The following DIP2C variants were observed in gnomAD, a reference collection of about 807,000 sequenced individuals.
DIP2C encodes the protein DIP2 acetate--CoA ligase C (putative), also known as disco-interacting protein 2 homolog C.
Under a neutral mutation model 192.4 loss-of-function variants are expected in DIP2C, and 33 were observed. That is an observed-to-expected ratio of 0.17 (90% CI 0.13 to 0.23). DIP2C has a LOEUF of 0.23. DIP2C is among the 10% of genes least tolerant of loss of function. The probability of loss-of-function intolerance (pLI) is 1.00; values close to 1 mark genes in which losing one functional copy is unlikely to be tolerated. For missense variants in DIP2C, 1,537 were observed against 2,110.1 expected, an observed-to-expected ratio of 0.73 and a Z score of 5.32; for synonymous variants, 979 against 864.1, an observed-to-expected ratio of 1.13 and a Z score of -2.33.
intron 17 of DIP2C, among the ~76,000 whole-genome samples, chr10:380,330 T>TCCCTGGAAGATGGTTAACGC (rs1180832539): frequency 2.0e-5 from 2 of 99,386 alleles, no homozygotes; most frequent in Admixed American, 1.0e-4. Flanking sequence ...ATGGTTAACG[T>TCCCTGGAAGATGGTTAACGC]GCAGAAGAGG....
intron 9 of DIP2C, among the ~76,000 whole-genome samples, chr10:405,710 C>T (rs550286570): frequency 6.6e-6 from 1 of 152,194 alleles, no homozygotes; most frequent in African/African-American, 2.4e-5. Context: ...TTCTTTGATA[C>T]TTCACTGTAC....
Position 457,354 on chromosome 10 carries a change from T to A in DIP2C, c.268+15085A>T, listed in dbSNP as rs927491402. Among the ~76,000 whole-genome samples the A allele has an allele frequency of 3.9e-5, 6 of 152,336 alleles. No individual in the cohort carries two copies. In the South Asian group the frequency reaches 1.2e-3, roughly 32 times the overall value. On this transcript the variant is annotated intron_variant, in intron 3 of 36. Transcript: ENST00000280886. ...GACTTAATATAAAGATTTTAGTCTATAAATTCAAGTACCATTTCCACAGCA... is the reference window on the plus strand; with the variant it reads ...GACTTAATATAAAGATTTTAGTCTAAAAATTCAAGTACCATTTCCACAGCA...
At chr10:482,278 A>G (rs1404739771) in intron 2 of DIP2C, among the ~76,000 whole-genome samples, 2 of 152,166 alleles carry the variant, frequency 1.3e-5, no homozygotes, top group Non-Finnish European at 2.9e-5. Flanking sequence ...CAACAGTTGG[A>G]CAGCACAGTG....
chr10:555,414 C>T (rs866463821), intron 1 of DIP2C, among the ~76,000 whole-genome samples: 2 of 152,280 alleles, frequency 1.3e-5, no homozygotes, highest in African/African-American at 4.8e-5. Flanking sequence ...AGTAAGGACA[C>T]GCTGGCTACT....
rs186773853 is a variant in DIP2C at position 609,547 on chromosome 10, A to G, written c.85+79947T>C. Among the ~76,000 whole-genome samples the G allele has an allele frequency of 1.7e-3, 261 of 152,328 alleles. 4 individuals carry two copies. Among genetic ancestry groups the G allele is most frequent in the African/African-American group, 4.9e-3 (202 of 41,568 alleles). On this transcript the variant is annotated intron_variant, in intron 1 of 36. Transcript: ENST00000280886. ...GATTTCATAATTAACTCAATTAAAA[A>G]ACAATGTAAGTCATCTCCTTTATCT...
At chr10:432,706 A>C (rs909946259) in intron 4 of DIP2C, among the ~76,000 whole-genome samples, 1 of 151,732 alleles carries the variant, frequency 6.6e-6, no homozygotes, top group African/African-American at 2.4e-5. Context: ...CTTAGAATTT[A>C]ATTTGCTGTT....
At chr10:453,442 G>A (rs187708687) in intron 3 of DIP2C, among the ~76,000 whole-genome samples, 126 of 152,334 alleles carry the variant, frequency 8.3e-4, no homozygotes, top group Non-Finnish European at 1.4e-3. Flanking sequence ...TCCAGCAAAT[G>A]CCTGAAATAC....
At chr10:279,347 G>A (rs1333883010) in intron 36 of DIP2C, among the ~76,000 whole-genome samples, 1 of 152,206 alleles carries the variant, frequency 6.6e-6, no homozygotes, top group Non-Finnish European at 1.5e-5. Flanking sequence ...GTATGGAATA[G>A]TCCTAGAGTA....
At chr10:356,745 C>T (rs145339516) in intron 23 of DIP2C, among the ~76,000 whole-genome samples, 3 of 152,326 alleles carry the variant, frequency 2.0e-5, no homozygotes, top group East Asian at 1.9e-4. Context: ...TCACAGCACC[C>T]GAGTCAGGGT....
At position 533,637 on chromosome 10, in the gene DIP2C, C is replaced by G. The variant is rs375418915; in HGVS notation, c.86-47107G>C. Reference sequence around the variant, plus strand: ...ACCTGCCTCCCCATGCTCTTCCTAACAGAGATACCTACCAAAAAAAAAAAA... The same window carrying G: ...ACCTGCCTCCCCATGCTCTTCCTAAGAGAGATACCTACCAAAAAAAAAAAA... On this transcript the variant is annotated intron_variant, in intron 1 of 36. Coordinates refer to ENST00000280886, the MANE Select transcript of DIP2C (RefSeq NM_014974.3). Among the ~76,000 whole-genome samples the G allele has an allele frequency of 1.6e-3, 221 of 139,958 alleles. 3 individuals are homozygous for G. The South Asian group carries it at 0.02, about 13-fold the overall frequency. The allele number at this position is 139,958 out of a possible 152,430, so 91.8% of individuals were successfully genotyped here. A position where few individuals can be genotyped will look rare whatever the true frequency, so the allele number is the denominator to read the frequency against.
At chr10:297,557 GA>G (rs1955820681) in intron 32 of DIP2C, among the ~76,000 whole-genome samples, 1 of 152,278 alleles carries the variant, frequency 6.6e-6, no homozygotes, top group East Asian at 1.9e-4. Context: ...TAAATAAAGT[GA>G]AATAAGCCAG....
At chr10:463,709 A>T (rs954280681) in intron 3 of DIP2C, among the ~76,000 whole-genome samples, 1 of 152,192 alleles carries the variant, frequency 6.6e-6, no homozygotes, top group South Asian at 2.1e-4. Context: ...AAAAAGAACA[A>T]AGCTGGAGGC....
intron 14 of DIP2C, among the ~76,000 whole-genome samples, chr10:385,184 C>T (rs781588314): frequency 2.2e-4 from 34 of 151,706 alleles, no homozygotes; most frequent in Admixed American, 1.2e-3. Context: ...GGGAGCACCA[C>T]GGACACCGGG....
intron 1 of DIP2C, among the ~76,000 whole-genome samples, chr10:520,741 A>G (rs1322288833): frequency 6.6e-6 from 1 of 152,218 alleles, no homozygotes; most frequent in Non-Finnish European, 1.5e-5. Context: ...AGGGCAAATA[A>G]GTTGGAAACC....
chr10:639,095 G>A (rs370863223), intron 1 of DIP2C, among the ~76,000 whole-genome samples: 294 of 152,082 alleles, frequency 1.9e-3, no homozygotes, highest in African/African-American at 4.9e-3. Context: ...AAGGGGACCC[G>A]TCAGGTCGGG....
intron 7 of DIP2C, among the ~76,000 whole-genome samples, chr10:415,157 A>C (rs1455312492): frequency 6.6e-6 from 1 of 152,040 alleles, no homozygotes; most frequent in Admixed American, 6.6e-5. Context: ...CCAATCCTTG[A>C]GAGAGGTGAA....
chr10:592,429 C>T (rs1320049107), intron 1 of DIP2C, among the ~76,000 whole-genome samples: 1 of 152,154 alleles, frequency 6.6e-6, no homozygotes, highest in Non-Finnish European at 1.5e-5. Flanking sequence ...TCCATCGATA[C>T]GAAAACAGAT....
chr10:457,919 C>T (rs908427314), intron 3 of DIP2C, among the ~76,000 whole-genome samples: 2 of 152,200 alleles, frequency 1.3e-5, no homozygotes, highest in African/African-American at 4.8e-5. Flanking sequence ...TGTGGCCTCT[C>T]CTCCCACAGC....
intron 17 of DIP2C, chr10:369,952 T>C: frequency 2.0e-6 from 2 of 985,376 alleles, no homozygotes; most frequent in Non-Finnish European, 2.4e-6. Flanking sequence ...CTCCAGGCCC[T>C]GCACAGACCA....
Sources: gnomAD v4.1 joint callset for allele counts (sites outside exome capture counted in the v4.1 genomes callset) on GRCh38, gnomAD v4.1.1 for gene constraint, MANE v1.5 for transcripts, NCBI Gene and HGNC (gene_info 2026-07-23, HGNC 2026-07-21) for gene names.